MDN1: variants seen among roughly 807,000 people sequenced by gnomAD.
MDN1 encodes midasin.
MDN1 carries 266 observed loss-of-function variants against 669.2 expected under a neutral mutation model. The observed-to-expected ratio is 0.40, with a 90% CI of 0.36 to 0.44. The LOEUF (loss-of-function observed/expected upper bound fraction) is 0.44, where lower values mean the gene tolerates loss of function less well. Ranked by LOEUF, MDN1 falls within the 20% of genes least tolerant of loss-of-function variation. The pLI, the probability that MDN1 is intolerant of heterozygous loss-of-function variation, is 1.00. For synonymous variants in MDN1, 2,385 were observed against 2,457.1 expected (o/e 0.97, Z 0.87); for missense variants, 5,940 against 6,754.0 (o/e 0.88, Z 4.22).
chr6:89,814,910 G>A, intron 1 of MDN1: 1 of 486,668 alleles, frequency 2.1e-6, no homozygotes, highest in Non-Finnish European at 4.0e-6. Context: ...GGTCAGGGCA[G>A]TAAGAGACTC....
At chr6:89,735,641 G>T (rs374185103) in intron 33 of MDN1, among the ~76,000 whole-genome samples, 40 of 152,146 alleles carry the variant, frequency 2.6e-4, no homozygotes, top group African/African-American at 9.2e-4. Context: ...ACCCACAGTG[G>T]TATTTATATA....
intron 33 of MDN1, among the ~76,000 whole-genome samples, chr6:89,734,448 G>A (rs1192888719): frequency 1.3e-5 from 2 of 151,768 alleles, no homozygotes; most frequent in Non-Finnish European, 2.9e-5. Flanking sequence ...TATAATCCCA[G>A]TTCAGACCAG....
intron 88 of MDN1, among the ~76,000 whole-genome samples, chr6:89,660,163 A>T (rs1427805134): frequency 6.6e-6 from 1 of 152,100 alleles, no homozygotes; most frequent in African/African-American, 2.4e-5. Flanking sequence ...CTGGGATTAT[A>T]GACATGAACC....
intron 95 of MDN1, 109 bp downstream of exon 95, chr6:89,652,083 G>GT (rs1808913728): frequency 1.3e-6 from 1 of 780,796 alleles, no homozygotes; most frequent in African/African-American, 1.7e-5. Context: ...CATATGCCTG[G>GT]TCCTTTTTGT....
rs565826932 is a variant in MDN1 at position 89,815,212 on chromosome 6, C to T, written c.102+4294G>A. The T allele has an allele frequency of 4.1e-5, 16 of 388,090 alleles. 1 individual carries two copies. Among genetic ancestry groups the T allele is most frequent in the African/African-American group, 2.5e-4 (12 of 47,904 alleles). The allele number at this position is 388,090 out of a possible 1,614,324, so 24.0% of individuals were successfully genotyped here. ...CCTCTACGGCAGTGGAGGCGGGAGACTGCCTTCCAGAGCCCCTACTCCTTG... is the reference window on the plus strand; with the variant it reads ...CCTCTACGGCAGTGGAGGCGGGAGATTGCCTTCCAGAGCCCCTACTCCTTG... On this transcript the variant is annotated intron_variant, in intron 1 of 101. Coordinates refer to ENST00000369393, the MANE Select transcript of MDN1 (RefSeq NM_014611.3).
At chr6:89,657,346 T>C (rs1809391837) in intron 90 of MDN1, among the ~76,000 whole-genome samples, 1 of 152,176 alleles carries the variant, frequency 6.6e-6, no homozygotes, top group Non-Finnish European at 1.5e-5. Flanking sequence ...GAACTAGGAC[T>C]CAAAGAGACT....
At chr6:89,761,770 T>C in intron 16 of MDN1, 22 bp from the exon 17 acceptor site, 1 of 1,497,044 alleles carries the variant, frequency 6.7e-7, no homozygotes, top group Non-Finnish European at 9.2e-7. Flanking sequence ...AGACAAGAAT[T>C]CAGCACACAT....
At chr6:89,753,127 A>AC (rs1436906347) in intron 22 of MDN1, among the ~76,000 whole-genome samples, 6 of 152,246 alleles carry the variant, frequency 3.9e-5, no homozygotes, top group African/African-American at 1.4e-4. Context: ...TATCTGCAAA[A>AC]AAAAACAAAA....
Position 89,650,819 on chromosome 6 carries a change from C to T in MDN1, c.15944G>A (p.Ser5315Asn), listed in dbSNP as rs1207583637. 6.2e-7 allele frequency: 1 copy of T among 1,614,124 alleles called. No individual in the cohort carries two copies. The highest frequency in any genetic ancestry group is 1.7e-5 in the Admixed American group (1 of 60,030). The change falls in exon 96 of 102, where the codon AGT becomes AAT. Residue 5315 changes from serine to asparagine, a missense_variant. By Grantham distance (46) the Ser-to-Asn change is conservative (BLOSUM62 1). Transcript: ENST00000369393. ...EEKVAAEMWQ[S>N]YLILTAPLSQ... ...AAGAGGCGCTGTTAAGATCAGGTAA[C>T]TCTGCCACATCTCAGCTGCAACCTT...
intron 19 of MDN1, among the ~76,000 whole-genome samples, chr6:89,756,926 A>T (rs1354924352): frequency 1.3e-5 from 2 of 152,100 alleles, no homozygotes; most frequent in African/African-American, 2.4e-5. Context: ...ATCTCAAAAA[A>T]AAAAAAAAGA....
intron 83 of MDN1, among the ~76,000 whole-genome samples, chr6:89,670,168 ATATTTTT>A (rs1264472306): frequency 2.3e-4 from 5 of 21,640 alleles, no homozygotes; most frequent in African/African-American, 1.6e-3. Flanking sequence ...ATATATATAT[ATATTTTT>A]TTTTTTTTTT....
intron 12 of MDN1, among the ~76,000 whole-genome samples, chr6:89,776,219 T>G (rs1453525391): frequency 6.6e-6 from 1 of 151,928 alleles, no homozygotes; most frequent in Non-Finnish European, 1.5e-5. Context: ...CCCAGCACTT[T>G]GGGAGGCAGA....
intron 90 of MDN1, 40 bp downstream of exon 90, chr6:89,658,169 C>A (rs1439983442): frequency 6.2e-7 from 1 of 1,611,590 alleles, no homozygotes; most frequent in Non-Finnish European, 8.5e-7. Flanking sequence ...AGAGACCCTA[C>A]TAAGAGGCAG....
chr6:89,725,877 A>G (rs568792027), intron 37 of MDN1, among the ~76,000 whole-genome samples: 1 of 151,150 alleles, frequency 6.6e-6, no homozygotes, highest in South Asian at 2.1e-4. Flanking sequence ...ACCTGGTCCA[A>G]TTCTATTATT....
intron 40 of MDN1, among the ~76,000 whole-genome samples, chr6:89,720,265 T>C (rs1488910444): frequency 6.6e-6 from 1 of 151,954 alleles, no homozygotes; most frequent in Non-Finnish European, 1.5e-5. Context: ...ACCCCTGATG[T>C]TCTACCAGAG....
At chr6:89,691,167 G>C (rs1812354894) in intron 63 of MDN1, among the ~76,000 whole-genome samples, 1 of 152,186 alleles carries the variant, frequency 6.6e-6, no homozygotes, top group Admixed American at 6.5e-5. Flanking sequence ...GCCATGAGAG[G>C]GTTGTGGTTC....
At chr6:89,657,711 C>T (rs934611042) in intron 90 of MDN1, among the ~76,000 whole-genome samples, 1 of 152,152 alleles carries the variant, frequency 6.6e-6, no homozygotes, top group Non-Finnish European at 1.5e-5. Flanking sequence ...GGGGTTTGTC[C>T]TGGGAGGCAT....
chr6:89,779,733 A>C (rs1368074853), intron 11 of MDN1, among the ~76,000 whole-genome samples: 2 of 152,234 alleles, frequency 1.3e-5, no homozygotes, highest in Non-Finnish European at 2.9e-5. Flanking sequence ...ACATTCAATT[A>C]GCTTTAATGC....
intron 95 of MDN1, 102 bp from the exon 96 acceptor site, chr6:89,650,949 A>G (rs1808809464): frequency 6.2e-6 from 5 of 811,252 alleles, no homozygotes; most frequent in African/African-American, 3.4e-5. Flanking sequence ...AATGACCTGC[A>G]TGAACTTTCT....
Sources: allele counts gnomAD v4.1 joint callset (sites outside exome capture counted in the v4.1 genomes callset), GRCh38; gene constraint gnomAD v4.1.1; transcripts MANE v1.5; gene names NCBI Gene and HGNC (gene_info 2026-07-23, HGNC 2026-07-21).